The following RSF1 variants were observed in gnomAD, a reference collection of about 807,000 sequenced individuals.
RSF1 encodes the protein remodeling and spacing factor 1, also known as HBV pX-associated protein 8.
In RSF1, 13 loss-of-function variants were observed where a neutral mutation model predicts 145.2. The observed-to-expected ratio is 0.09, with a 90% confidence interval of 0.06 to 0.14. The LOEUF is 0.14. Among genes scored for constraint, RSF1 ranks in the 10% least tolerant of loss-of-function variants. RSF1 has a pLI of 1.00. For missense variants in RSF1, 1,517 were observed against 1,718.2 expected (o/e 0.88, Z 2.07); for synonymous variants, 577 against 592.6 (o/e 0.97, Z 0.38).
At chr11:77,863,382 C>T in the RSF1 span, among the ~76,000 whole-genome samples, 3 of 152,024 alleles carry the variant, frequency 2.0e-5, no homozygotes, top group Non-Finnish European at 4.4e-5. Flanking sequence ...AAACTCAGCT[C>T]GAGCCATAAC....
chr11:77,860,193 T>C, the RSF1 span, among the ~76,000 whole-genome samples: 1 of 152,236 alleles, frequency 6.6e-6, no homozygotes, highest in Non-Finnish European at 1.5e-5. Context: ...GGTTAGGGCC[T>C]TCTTTAGGGC....
the RSF1 span, among the ~76,000 whole-genome samples, chr11:77,844,890 T>G: frequency 6.6e-6 from 1 of 152,224 alleles, no homozygotes; most frequent in Non-Finnish European, 1.5e-5. Context: ...ATAGATTTCT[T>G]TGATCAATCG....
At chr11:77,796,374 G>GT (rs1439495228) in intron 1 of RSF1, among the ~76,000 whole-genome samples, 1 of 151,972 alleles carries the variant, frequency 6.6e-6, no homozygotes, top group African/African-American at 2.4e-5. Flanking sequence ...GTCAATAAAC[G>GT]TAATTCATCA....
At chr11:77,691,412 G>A (rs1383421720) in intron 8 of RSF1, among the ~76,000 whole-genome samples, 174 bp from the exon 9 acceptor site, 1 of 152,176 alleles carries the variant, frequency 6.6e-6, no homozygotes, top group Non-Finnish European at 1.5e-5. Flanking sequence ...CAGAAGATGA[G>A]CACAGTACCT....
intron 3 of RSF1, among the ~76,000 whole-genome samples, chr11:77,742,126 C>T (rs1947947369): frequency 6.6e-6 from 1 of 152,220 alleles, no homozygotes; most frequent in Non-Finnish European, 1.5e-5. Context: ...GATACCACTT[C>T]AAGAAACAAA....
chr11:77,862,915 T>C, the RSF1 span, among the ~76,000 whole-genome samples: 1 of 152,124 alleles, frequency 6.6e-6, no homozygotes, highest in African/African-American at 2.4e-5. Flanking sequence ...CCAGAATATA[T>C]CTTAGGGGTG....
intron 1 of RSF1, among the ~76,000 whole-genome samples, chr11:77,769,112 C>CA (rs1174542732): frequency 2.0e-5 from 3 of 152,108 alleles, no homozygotes; most frequent in Non-Finnish European, 4.4e-5. Flanking sequence ...GGCTGGAGTG[C>CA]AGTGGCGCAA....
intron 9 of RSF1, among the ~76,000 whole-genome samples, chr11:77,688,732 C>T (rs1960073813): frequency 6.6e-6 from 1 of 152,080 alleles, no homozygotes; most frequent in Non-Finnish European, 1.5e-5. Flanking sequence ...CCAAGACCAG[C>T]CTGGGCAACA....
At chr11:77,687,576 G>A (rs192854486) in intron 9 of RSF1, among the ~76,000 whole-genome samples, 304 of 152,186 alleles carry the variant, frequency 2.0e-3, no homozygotes, top group African/African-American at 6.9e-3. Flanking sequence ...GTGTGGTGGC[G>A]TGTGCCTGTG....
intron 14 of RSF1, among the ~76,000 whole-genome samples, chr11:77,673,537 A>G (rs1228874267): frequency 6.6e-6 from 1 of 152,250 alleles, no homozygotes; most frequent in Non-Finnish European, 1.5e-5. Context: ...GATCAGAATA[A>G]GAATCCACGA....
At chr11:77,778,237 A>AGAGGATGGGG (rs1948367631) in intron 1 of RSF1, among the ~76,000 whole-genome samples, 1 of 20,512 alleles carries the variant, frequency 4.9e-5, no homozygotes, top group Non-Finnish European at 8.9e-5. Flanking sequence ...TGGGGGAGGG[A>AGAGGATGGGG]AGGGGAGAGC....
rs374984667 is a variant in RSF1, at chr11:77,667,437, C to T, written c.3806G>A (p.Arg1269Gln). ...GCTTCGGCCCCGCTTTCGAACTGACCGCTTTGATTCTTTAGCTAGCTCATC... is the reference window on the plus strand; with the variant it reads ...GCTTCGGCCCCGCTTTCGAACTGACTGCTTTGATTCTTTAGCTAGCTCATC... Reference protein sequence around the residue: ...EDDELAKESKRSVRKRGRSTD... With the variant: ...EDDELAKESKQSVRKRGRSTD... The change falls in exon 16 of 16, where the codon CGG (arginine) becomes CAG (glutamine). Residue 1269 changes from arginine (R) to glutamine (Q), a missense_variant. Arg to Gln is a conservative substitution (Grantham distance 43). Around this residue, in one of 12 missense-constraint regions of RSF1, gnomAD observed 240 missense variants for 231.8 expected, o/e 1.04. Transcript: ENST00000308488. The T allele has an allele frequency of 2.5e-5, 40 of 1,613,286 alleles. No individual in the cohort carries two copies. The highest frequency in any genetic ancestry group is 3.1e-5 in the Non-Finnish European group (37 of 1,180,018).
At chr11:77,785,925 CAAAAAAAAAAA>C (rs10661397) in intron 1 of RSF1, among the ~76,000 whole-genome samples, 17 of 37,140 alleles carry the variant, frequency 4.6e-4, no homozygotes, top group South Asian at 1.8e-3. Context: ...GATTCTGTCT[CAAAAAAAAAAA>C]AAAAAAAAAA....
At chr11:77,760,848 T>C (rs1465658772) in intron 2 of RSF1, among the ~76,000 whole-genome samples, 2 of 152,162 alleles carry the variant, frequency 1.3e-5, no homozygotes, top group African/African-American at 4.8e-5. Flanking sequence ...AGGGTACATA[T>C]GAATACGATC....
chr11:77,729,589 C>A (rs1961146765), intron 4 of RSF1, among the ~76,000 whole-genome samples: 1 of 150,658 alleles, frequency 6.6e-6, no homozygotes, highest in African/African-American at 2.5e-5. Context: ...GAACCCCAAC[C>A]CCACAAAAAA....
At position 77,701,207 on chromosome 11, in the gene RSF1, C is replaced by T. The variant is rs758203342; in HGVS notation, c.2022G>A (p.Glu674=). ...GATTATCCATTTCTACCTTTGTGAA[C>T]TCAGAATCCTCTTTTAGGGTTTCTA... ...VDLETLKEDS[E]FTKVEMDNLD... The change falls in exon 6 of 16, where the codon GAG becomes GAA. Residue 674 remains glutamate, a synonymous_variant. Transcript: ENST00000308488. 1.9e-6 allele frequency: 3 copies of T among 1,614,166 alleles called. No homozygotes were observed. The South Asian group carries it at 3.3e-5, about 18-fold the overall frequency.
the RSF1 span, among the ~76,000 whole-genome samples, chr11:77,849,877 T>A: frequency 6.6e-6 from 1 of 152,180 alleles, no homozygotes; most frequent in South Asian, 2.1e-4. Flanking sequence ...ATTTTCTTAA[T>A]CCTTCTGAGA....
intron 1 of RSF1, among the ~76,000 whole-genome samples, chr11:77,788,834 CA>C (rs1948487911): frequency 6.6e-6 from 1 of 152,064 alleles, no homozygotes; most frequent in Non-Finnish European, 1.5e-5. Flanking sequence ...CTACTAAGAA[CA>C]ACCAAAATAG....
chr11:77,693,764 C>CATTTATTTATTTATTTATTTATTT (rs149549639), intron 7 of RSF1, among the ~76,000 whole-genome samples, 153 bp from the exon 8 acceptor site: 69 of 146,666 alleles, frequency 4.7e-4, no homozygotes, highest in Admixed American at 6.1e-4. Context: ...AGGGATCTGA[C>CATTTATTTATTTATTTATTTATTT]ATTTATTTAT....
Sources: allele counts gnomAD v4.1 joint callset (sites outside exome capture counted in the v4.1 genomes callset), GRCh38; gene constraint gnomAD v4.1.1; regional missense constraint gnomAD v4.1.1; transcripts MANE v1.5; gene names NCBI Gene and HGNC (gene_info 2026-07-23, HGNC 2026-07-21).